RMDN2: variants seen among roughly 807,000 people sequenced by gnomAD.
RMDN2 encodes regulator of microtubule dynamics protein 2.
Under a neutral mutation model 52.8 loss-of-function variants are expected in RMDN2, and 61 were observed. That is an observed-to-expected ratio of 1.16 (90% CI 0.94 to 1.43). RMDN2 has a LOEUF of 1.43. RMDN2 is among the 40% of genes most tolerant of loss of function. The pLI, the probability that RMDN2 is intolerant of heterozygous loss-of-function variation, is 0.00. For synonymous variants in RMDN2, 180 were observed against 153.1 expected (o/e 1.18, Z -1.30); for missense variants, 592 against 475.3 (o/e 1.25, Z -2.28).
At chr2:37,980,899 C>G (rs1673223904) in intron 4 of RMDN2, among the ~76,000 whole-genome samples, 1 of 152,070 alleles carries the variant, frequency 6.6e-6, no homozygotes, top group South Asian at 2.1e-4. Flanking sequence ...ATTTTATTCC[C>G]AGACACTCAC....
At chr2:38,021,444 C>T (rs767052183), downstream of RMDN2, among the ~76,000 whole-genome samples, 4 of 152,136 alleles carry the variant, frequency 2.6e-5, no homozygotes, top group African/African-American at 4.8e-5. Flanking sequence ...TGCTGCTGCT[C>T]ACTCGGTCCA....
chr2:38,017,198 CAG>C lies in RMDN2; in HGVS notation c.1194_1195del (p.Lys399ArgfsTer29). The C allele has an allele frequency of 6.5e-7, 1 of 1,530,090 alleles. No homozygotes were observed. The highest frequency in any genetic ancestry group is 1.4e-5 in the African/African-American group (1 of 72,576). 94.8% of individuals were successfully genotyped at this position (1,530,090 alleles called of 1,614,324 possible). Reference sequence around the variant, plus strand: ...ATTTTCTTTATAGGATAAAGAGGCACAGAAAGAGATGCAAAAAATAATGACTT... The same window carrying C: ...ATTTTCTTTATAGGATAAAGAGGCACAAAGAGATGCAAAAAATAATGACTT... ...PTVTKEDKEA[Q>X]KEMQKIMTSL... On this transcript the variant is annotated frameshift_variant, in exon 11 of 11. Transcript: ENST00000354545. LOFTEE classifies it high-confidence loss of function.
At chr2:38,029,293 G>A (rs554215713) in intron 10 of RMDN2, 9 of 152,080 alleles carry the variant, frequency 5.9e-5, no homozygotes, top group Non-Finnish European at 1.0e-4. Context: ...TTCTGCCTTT[G>A]GGGCCACCTT....
At chr2:38,018,753 A>T (rs915890207), downstream of RMDN2, among the ~76,000 whole-genome samples, 1 of 152,176 alleles carries the variant, frequency 6.6e-6, no homozygotes, top group African/African-American at 2.4e-5. Flanking sequence ...AAATAAAGTG[A>T]TTTTTTTAGG....
At chr2:37,995,005 G>A (rs1033129187) in intron 7 of RMDN2, among the ~76,000 whole-genome samples, 4 of 152,064 alleles carry the variant, frequency 2.6e-5, no homozygotes, top group African/African-American at 9.7e-5. Flanking sequence ...GAGATTGACA[G>A]CAAAGGGGTA....
At chr2:38,029,175 T>C (rs1483699542) in intron 10 of RMDN2, among the ~76,000 whole-genome samples, 1 of 152,044 alleles carries the variant, frequency 6.6e-6, no homozygotes, top group Non-Finnish European at 1.5e-5. Context: ...TTCCAGCAGA[T>C]CTCCAGCATC....
intron 2 of RMDN2, among the ~76,000 whole-genome samples, chr2:37,932,694 C>T (rs1221378883): frequency 8.9e-6 from 1 of 111,948 alleles, no homozygotes; most frequent in East Asian, 2.5e-4. Flanking sequence ...GGGGCTGACC[C>T]CCCCCACCTC....
At chr2:38,017,131 A>G (rs1051330819) in intron 10 of RMDN2, 55 bp from the exon 11 acceptor site, 28 of 1,130,174 alleles carry the variant, frequency 2.5e-5, no homozygotes, top group African/African-American at 4.7e-5. Context: ...TCAGCATGCT[A>G]GAGTATCAAG....
intron 1 of RMDN2, among the ~76,000 whole-genome samples, chr2:37,927,734 C>T (rs982911693): frequency 1.3e-5 from 2 of 152,150 alleles, no homozygotes; most frequent in Non-Finnish European, 2.9e-5. Context: ...AGCTGGAATG[C>T]AGTTGTAATT....
At chr2:37,993,334 T>C (rs990164209) in intron 7 of RMDN2, among the ~76,000 whole-genome samples, 1 of 152,136 alleles carries the variant, frequency 6.6e-6, no homozygotes. Context: ...TGGAACTCTT[T>C]CCACCAGGGG....
At position 38,058,844 on chromosome 2, in the gene RMDN2, A is replaced by G. The variant is rs112305036; in HGVS notation, c.1714-8138A>G. The stretch of plus-strand genomic sequence containing the variant: ...AAAGCCAGGTCATTGGAAAACGCAA[A>G]TCTCTCCTTTCCTTGAAGCACATTA... On this transcript the variant is annotated intron_variant, in intron 10 of 10. Transcript: ENST00000234195. Among the ~76,000 whole-genome samples the G allele has an allele frequency of 4.3e-3, 658 of 152,204 alleles. 14 individuals are homozygous for G. Among genetic ancestry groups the G allele is most frequent in the African/African-American group, 0.014 (598 of 41,526 alleles).
At chr2:38,005,381 A>G (rs1478682357) in intron 10 of RMDN2, among the ~76,000 whole-genome samples, 1 of 152,142 alleles carries the variant, frequency 6.6e-6, no homozygotes, top group African/African-American at 2.4e-5. Flanking sequence ...CTGACTTTTT[A>G]ATGATTGCCA....
At position 37,968,867 on chromosome 2, in the gene RMDN2, A is replaced by T. The variant is rs75943853; in HGVS notation, c.453-5173A>T. On this transcript the variant is annotated intron_variant, in intron 2 of 10. Coordinates refer to ENST00000354545, the MANE Select transcript of RMDN2 (RefSeq NM_001170791.3). ...TGGGAGGAGGGCTGGGTAGTACAAA[A>T]CTAATTTCTAACCCAAAGTTAATAA... Among the ~76,000 whole-genome samples the T allele has an allele frequency of 9.1e-4, 139 of 152,338 alleles. 2 individuals carry two copies. In the East Asian group the frequency reaches 0.023, roughly 25 times the overall value.
At chr2:37,993,002 C>T (rs1464449294) in intron 7 of RMDN2, among the ~76,000 whole-genome samples, 1 of 152,122 alleles carries the variant, frequency 6.6e-6, no homozygotes, top group Non-Finnish European at 1.5e-5. Context: ...GCAGCCTCCA[C>T]CTTCTGGGTT....
chr2:37,929,465 G>A lies in RMDN2; in HGVS notation c.188G>A (p.Gly63Glu), dbSNP rs1168288352. ...CAAGATGAAATACATGATGACCAAG[G>A]AACAACAGTAATCTTTCAAGAAAGG... ...TLQDEIHDDQ[G>E]TTVIFQERQL... The change falls in exon 2 of 11, where the codon GGA becomes GAA. Residue 63 changes from glycine (G) to glutamate (E), a missense_variant. By Grantham distance (98) the Gly-to-Glu change is moderately conservative (BLOSUM62 -2). Transcript: ENST00000354545. 6.4e-7 allele frequency: 1 copy of A among 1,551,596 alleles called. No individual in the cohort carries two copies. Among genetic ancestry groups the A allele is most frequent in the Non-Finnish European group, 8.7e-7 (1 of 1,146,918 alleles).
At chr2:37,932,137 G>A (rs1265112399) in intron 2 of RMDN2, among the ~76,000 whole-genome samples, 7 of 152,020 alleles carry the variant, frequency 4.6e-5, no homozygotes, top group East Asian at 1.9e-4. Context: ...TCACAGGACA[G>A]TAGTGGAGGG....
chr2:38,049,667 G>C (rs1184401888), intron 10 of RMDN2, among the ~76,000 whole-genome samples: 1 of 152,090 alleles, frequency 6.6e-6, no homozygotes, highest in Non-Finnish European at 1.5e-5. Context: ...CAAACTCATG[G>C]GCTCAAGCAA....
intron 2 of RMDN2, among the ~76,000 whole-genome samples, chr2:37,963,521 T>G (rs1670571299): frequency 6.6e-6 from 1 of 152,048 alleles, no homozygotes; most frequent in African/African-American, 2.4e-5. Flanking sequence ...TGATGACTCT[T>G]AATGAGCATG....
chr2:38,018,684 G>A (rs577402937), downstream of RMDN2, among the ~76,000 whole-genome samples: 40 of 152,234 alleles, frequency 2.6e-4, no homozygotes, highest in South Asian at 5.6e-3. Flanking sequence ...CACTAAAATA[G>A]TAGTAGTTTA....
Sources: allele counts gnomAD v4.1 joint callset (sites outside exome capture counted in the v4.1 genomes callset), GRCh38; gene constraint gnomAD v4.1.1; transcripts MANE v1.5; gene names NCBI Gene and HGNC (gene_info 2026-07-23, HGNC 2026-07-21).